The following B4GALT4 variants were observed in gnomAD, a reference collection of about 807,000 sequenced individuals.
B4GALT4 encodes N-acetyllactosamine synthase.
B4GALT4 carries 27 observed loss-of-function variants against 37.3 expected under a neutral mutation model. The observed-to-expected ratio is 0.72, with a 90% confidence interval of 0.53 to 1.00. The LOEUF (loss-of-function observed/expected upper bound fraction) is 1.00, where lower values mean the gene tolerates loss of function less well. Ranked by LOEUF, B4GALT4 falls within the 50% of genes least tolerant of loss-of-function variation. The pLI is 0.00. For missense variants in B4GALT4, 372 were observed against 413.1 expected, an observed-to-expected ratio of 0.90 and a Z score of 0.86; for synonymous variants, 148 against 154.1, an observed-to-expected ratio of 0.96 and a Z score of 0.29.
chr3:119,225,378 A>G (rs1309390506), intron 4 of B4GALT4, among the ~76,000 whole-genome samples: 2 of 152,056 alleles, frequency 1.3e-5, no homozygotes, highest in Non-Finnish European at 2.9e-5. Context: ...CGAAGCAGAC[A>G]TATTTTTCTC....
chr3:119,228,756 T>A (rs559110371), intron 3 of B4GALT4, among the ~76,000 whole-genome samples: 1 of 137,424 alleles, frequency 7.3e-6, no homozygotes, highest in South Asian at 2.5e-4. Flanking sequence ...CTGTGGGGCC[T>A]CTGGGAAGTA....
intron 2 of B4GALT4, chr3:119,233,284 C>G (rs2078881455): frequency 6.6e-6 from 1 of 152,162 alleles, no homozygotes; most frequent in African/African-American, 2.4e-5. Flanking sequence ...ATTTAAAAAC[C>G]TACCCAAGGC....
At position 119,229,888 on chromosome 3, in the gene B4GALT4, T is replaced by G; in HGVS notation, c.212A>C (p.Lys71Thr). ...AGAAGGGCAGTTGTCAAGTTCTACCTTCTTCGTGGATGCTTCATTAGTCAG... is the reference window on the plus strand; with the variant it reads ...AGAAGGGCAGTTGTCAAGTTCTACCGTCTTCGTGGATGCTTCATTAGTCAG... Reference protein sequence around the residue: ...KTLTNEASTKKVELDNCPSVS... With the variant: ...KTLTNEASTKTVELDNCPSVS... Residue 71 changes from lysine (K) to threonine (T), a missense_variant, in exon 3 of 8, where the codon AAG (lysine) becomes ACG (threonine). Coordinates refer to ENST00000393765, the MANE Select transcript of B4GALT4 (RefSeq NM_003778.4). 1.2e-6 allele frequency: 2 copies of G among 1,614,212 alleles called. No homozygotes were observed. The highest frequency in any genetic ancestry group is 2.2e-5 in the South Asian group (2 of 91,086).
intron 4 of B4GALT4, among the ~76,000 whole-genome samples, chr3:119,224,730 T>C (rs2078554501): frequency 6.6e-6 from 1 of 152,228 alleles, no homozygotes; most frequent in African/African-American, 2.4e-5. Flanking sequence ...ATTAAAAATT[T>C]TTTAAAAGCA....
chr3:119,218,902 A>G, intron 5 of B4GALT4, 130 bp from the exon 6 acceptor site: 1 of 1,072,278 alleles, frequency 9.3e-7, no homozygotes, highest in Non-Finnish European at 1.4e-6. Context: ...CTCCTGCTTG[A>G]CACCCACCTC....
At chr3:119,225,910 C>G (rs1159938770) in intron 4 of B4GALT4, among the ~76,000 whole-genome samples, 1 of 152,160 alleles carries the variant, frequency 6.6e-6, no homozygotes, top group African/African-American at 2.4e-5. Context: ...TATAAGCACA[C>G]TGATTTTCAA....
intron 3 of B4GALT4, among the ~76,000 whole-genome samples, chr3:119,228,904 ATG>A (rs1411071877): frequency 7.7e-5 from 10 of 129,926 alleles, no homozygotes; most frequent in Admixed American, 7.3e-4. Context: ...CCCTGCATGT[ATG>A]TGTGTGCGCA....
chr3:119,227,749 C>T (rs942099641), intron 3 of B4GALT4, among the ~76,000 whole-genome samples: 3 of 152,162 alleles, frequency 2.0e-5, no homozygotes, highest in African/African-American at 4.8e-5. Context: ...TTTCTAAATT[C>T]CACGTATACT....
rs545967438 is a variant in B4GALT4 at position 119,239,089 on chromosome 3, T to A, written c.-364+1761A>T. ...GTACACATCTGTAATCCCAGCACTT[T>A]GGGAGGCAAATGGATCACTTGGGGT... On this transcript the variant is annotated intron_variant, in intron 1 of 7. Coordinates refer to ENST00000393765, the MANE Select transcript of B4GALT4 (RefSeq NM_003778.4). Among the ~76,000 whole-genome samples the A allele has an allele frequency of 4.5e-4, 68 of 152,248 alleles. 1 individual carries two copies. In the South Asian group the frequency reaches 0.012, roughly 27 times the overall value.
At position 119,229,838 on chromosome 3, in the gene B4GALT4, AAC is replaced by A. The variant is rs753010844; in HGVS notation, c.253+7_253+8del. 2 of 1,611,198 alleles carry A rather than the reference AAC, an allele frequency of 1.2e-6. No individual in the cohort carries two copies. The highest frequency in any genetic ancestry group is 1.7e-6 in the Non-Finnish European group (2 of 1,178,224). ...TACTACTTAATCAAAGGAAAAAAGC[AAC>A]ACTTACTGAGGTAAGGAGACACAGA... On this transcript the variant is annotated splice_region_variant and intron_variant, in intron 3 of 7. Coordinates refer to ENST00000393765, the MANE Select transcript of B4GALT4 (RefSeq NM_003778.4).
At chr3:119,227,266 T>C (rs1053208890) in intron 3 of B4GALT4, among the ~76,000 whole-genome samples, 6 of 152,178 alleles carry the variant, frequency 3.9e-5, no homozygotes, top group African/African-American at 1.2e-4. Context: ...ATATATAATA[T>C]AAGCATTTCC....
intron 3 of B4GALT4, among the ~76,000 whole-genome samples, chr3:119,228,901 T>C (rs1372155602): frequency 1.3e-5 from 2 of 152,136 alleles, no homozygotes. Context: ...TCCCCCTGCA[T>C]GTATGTGTGT....
At position 119,211,985 on chromosome 3, in the gene B4GALT4, T is replaced by C; in HGVS notation, c.*564A>G. Reference sequence around the variant, plus strand: ...CTACTGCTGCCTTTGCAGCCGACACTCCACCCTCCTGCTACCTCTTCATTC... The same window carrying C: ...CTACTGCTGCCTTTGCAGCCGACACCCCACCCTCCTGCTACCTCTTCATTC... On this transcript the variant is annotated 3_prime_UTR_variant, in exon 8 of 8. Transcript: ENST00000393765. The C allele has an allele frequency of 3.4e-6, 2 of 582,638 alleles. No individual in the cohort carries two copies. Among genetic ancestry groups the C allele is most frequent in the Admixed American group, 5.8e-5 (2 of 34,572 alleles). The allele number at this position is 582,638 out of a possible 1,614,324, so 36.1% of individuals were successfully genotyped here.
chr3:119,222,182 T>G (rs10511382), intron 5 of B4GALT4, among the ~76,000 whole-genome samples: 14,989 of 152,180 alleles, frequency 0.098, 1,492 homozygotes, highest in African/African-American at 0.25. Context: ...TCATCTATGG[T>G]AAGTGTCTAA....
chr3:119,237,453 C>T (rs1252774145), intron 1 of B4GALT4, among the ~76,000 whole-genome samples: 1 of 152,162 alleles, frequency 6.6e-6, no homozygotes, highest in East Asian at 1.9e-4. Flanking sequence ...TCCAAGAGAG[C>T]CTTTATCAAA....
At position 119,224,287 on chromosome 3, in the gene B4GALT4, A is replaced by C. The variant is rs1281282180; in HGVS notation, c.487-42T>G. On this transcript the variant is annotated intron_variant, in intron 4 of 7. Transcript: ENST00000393765. The stretch of plus-strand genomic sequence containing the variant: ...TAAAACTTGAAAAGCTCCTGAGATA[A>C]AGTTTCATATTGTTTGCCTCTTAGT... 2.0e-6 allele frequency: 3 copies of C among 1,495,530 alleles called. No homozygotes were observed. In the South Asian group the frequency reaches 3.9e-5, roughly 20 times the overall value. 92.6% of individuals were successfully genotyped at this position (1,495,530 alleles called of 1,614,324 possible).
chr3:119,216,601 G>A (rs2078300951), intron 6 of B4GALT4, among the ~76,000 whole-genome samples: 1 of 151,920 alleles, frequency 6.6e-6, no homozygotes, highest in Admixed American at 6.6e-5. Context: ...TATTACTGGG[G>A]TACAAAGGAG....
chr3:119,215,560 C>T (rs1429515138), intron 7 of B4GALT4: 1 of 152,214 alleles, frequency 6.6e-6, no homozygotes, highest in Non-Finnish European at 1.5e-5. Context: ...TACATCTATC[C>T]TGTTCGTTCT....
At chr3:119,225,965 T>G (rs896361498) in intron 4 of B4GALT4, among the ~76,000 whole-genome samples, 2 of 152,236 alleles carry the variant, frequency 1.3e-5, no homozygotes, top group Non-Finnish European at 2.9e-5. Flanking sequence ...GCTGGTCCTC[T>G]GAGTTGTCCA....
Sources: gnomAD v4.1 joint callset for allele counts (sites outside exome capture counted in the v4.1 genomes callset) on GRCh38, gnomAD v4.1.1 for gene constraint, MANE v1.5 for transcripts, NCBI Gene and HGNC (gene_info 2026-07-23, HGNC 2026-07-21) for gene names.